Variants in PLCL1 observed in about 807,000 individuals in gnomAD.
PLCL1 encodes phospholipase C like 1 (inactive).
PLCL1 carries 41 observed loss-of-function variants against 84.4 expected under a neutral mutation model. That is an observed-to-expected ratio of 0.49 (90% CI 0.38 to 0.63). The LOEUF (loss-of-function observed/expected upper bound fraction) is 0.63, where lower values mean the gene tolerates loss of function less well. Among genes scored for constraint, PLCL1 ranks in the 30% least tolerant of loss-of-function variants. The pLI, the probability that PLCL1 is intolerant of heterozygous loss-of-function variation, is 0.00. For synonymous variants in PLCL1, 490 were observed against 488.3 expected (o/e 1.00, Z -0.05); for missense variants, 1,206 against 1,367.8 (o/e 0.88, Z 1.87).
At chr2:198,035,431 G>A (rs1282388303) in intron 1 of PLCL1, among the ~76,000 whole-genome samples, 1 of 152,136 alleles carries the variant, frequency 6.6e-6, no homozygotes, top group Admixed American at 6.5e-5. Flanking sequence ...TCCTTGCTGG[G>A]GCAGGAAAAG....
chr2:198,040,730 T>C (rs940797775), intron 1 of PLCL1, among the ~76,000 whole-genome samples: 4 of 152,178 alleles, frequency 2.6e-5, no homozygotes, highest in African/African-American at 9.7e-5. Context: ...CATTTTCTAA[T>C]TGGAGAAAAC....
rs368540941 is a variant in PLCL1, at chr2:197,925,733, A to ACTCC, written c.240+120414_240+120417dup. ...AACTTTTCTCCATGCACTCACTAAC[A>ACTCC]CTCCCTCCCTCCCTCCCTCCCTCAG... On this transcript the variant is annotated intron_variant, in intron 1 of 5. Coordinates refer to ENST00000428675, the MANE Select transcript of PLCL1 (RefSeq NM_006226.4). 5.8e-3 allele frequency among the ~76,000 whole-genome samples: 869 copies of ACTCC among 149,448 alleles called. 10 individuals carry two copies. The highest frequency in any genetic ancestry group is 0.02 in the African/African-American group (800 of 40,406).
At chr2:197,833,441 C>T (rs916803317) in intron 1 of PLCL1, among the ~76,000 whole-genome samples, 3 of 152,172 alleles carry the variant, frequency 2.0e-5, no homozygotes, top group African/African-American at 7.2e-5. Flanking sequence ...ATCTTCTCTG[C>T]CCAGGATCTC....
At chr2:198,133,276 A>T (rs941461244) in intron 5 of PLCL1, among the ~76,000 whole-genome samples, 26 of 151,162 alleles carry the variant, frequency 1.7e-4, no homozygotes, top group African/African-American at 5.8e-4. Context: ...TATCACAAGA[A>T]CAAAAAACCA....
chr2:197,885,530 T>A (rs1323742774), intron 1 of PLCL1, among the ~76,000 whole-genome samples: 5 of 152,186 alleles, frequency 3.3e-5, no homozygotes, highest in Non-Finnish European at 7.3e-5. Flanking sequence ...CTGATTCCAA[T>A]GCTAATCTCA....
chr2:197,826,996 G>A (rs1690943836), intron 1 of PLCL1, among the ~76,000 whole-genome samples: 1 of 152,018 alleles, frequency 6.6e-6, no homozygotes, highest in Non-Finnish European at 1.5e-5. Context: ...GTATCACCAT[G>A]TTTTCTTGGG....
chr2:197,899,181 A>G (rs1688215077), intron 1 of PLCL1, among the ~76,000 whole-genome samples: 1 of 152,220 alleles, frequency 6.6e-6, no homozygotes, highest in African/African-American at 2.4e-5. Flanking sequence ...AAATAAGAAT[A>G]ATGATGCTAG....
At chr2:198,102,871 C>A (rs1383728719) in intron 4 of PLCL1, among the ~76,000 whole-genome samples, 1 of 152,000 alleles carries the variant, frequency 6.6e-6, no homozygotes, top group Non-Finnish European at 1.5e-5. Flanking sequence ...ATGGAATGAG[C>A]TGTTCATAAG....
At chr2:198,069,366 A>G (rs1312542296) in intron 1 of PLCL1, among the ~76,000 whole-genome samples, 2 of 151,776 alleles carry the variant, frequency 1.3e-5, no homozygotes, top group Non-Finnish European at 2.9e-5. Context: ...ATGCATGCCT[A>G]TACTCTCAGC....
At chr2:198,032,851 G>A (rs561246615) in intron 1 of PLCL1, among the ~76,000 whole-genome samples, 2 of 152,246 alleles carry the variant, frequency 1.3e-5, no homozygotes, top group African/African-American at 4.8e-5. Flanking sequence ...TTAAATGCAT[G>A]TGTTTATTCC....
chr2:198,004,508 A>G (rs1690680830), intron 1 of PLCL1, among the ~76,000 whole-genome samples: 1 of 152,220 alleles, frequency 6.6e-6, no homozygotes, highest in Non-Finnish European at 1.5e-5. Context: ...ACTTATCTGT[A>G]GAATGTGTGT....
chr2:198,020,636 C>A (rs1349535827), intron 1 of PLCL1, among the ~76,000 whole-genome samples: 3 of 151,450 alleles, frequency 2.0e-5, no homozygotes, highest in African/African-American at 2.4e-5. Flanking sequence ...CAACAAAGAT[C>A]AAAAAAGAAA....
At chr2:198,143,056 T>G (rs942555657) in intron 5 of PLCL1, among the ~76,000 whole-genome samples, 1 of 152,086 alleles carries the variant, frequency 6.6e-6, no homozygotes, top group Admixed American at 6.6e-5. Flanking sequence ...AGACCTCTGT[T>G]TAGGGAGAAT....
intron 1 of PLCL1, among the ~76,000 whole-genome samples, chr2:197,816,201 C>A (rs1690684183): frequency 6.6e-6 from 1 of 152,024 alleles, no homozygotes; most frequent in South Asian, 2.1e-4. Context: ...TGATCAGTCA[C>A]CAGTGTTCAA....
intron 3 of PLCL1, among the ~76,000 whole-genome samples, chr2:198,092,833 A>G (rs936334387): frequency 2.6e-5 from 4 of 152,162 alleles, no homozygotes; most frequent in Non-Finnish European, 4.4e-5. Flanking sequence ...GTTAGATCCT[A>G]TCTGTATATT....
intron 1 of PLCL1, among the ~76,000 whole-genome samples, chr2:197,849,292 A>T (rs1241152496): frequency 6.6e-6 from 1 of 152,202 alleles, no homozygotes; most frequent in Non-Finnish European, 1.5e-5. Flanking sequence ...CATGCCTGTA[A>T]TCTCAGCACT....
At position 198,126,735 on chromosome 2, in the gene PLCL1, G is replaced by C. The variant is rs561044798; in HGVS notation, c.3106-20045G>C. 3.3e-5 allele frequency among the ~76,000 whole-genome samples: 5 copies of C among 152,150 alleles called. No homozygotes were observed. The South Asian group carries it at 1.0e-3, about 32-fold the overall frequency. On this transcript the variant is annotated intron_variant, in intron 5 of 5. Coordinates refer to ENST00000428675, the MANE Select transcript of PLCL1 (RefSeq NM_006226.4). Reference sequence around the variant, plus strand: ...GCCTGGGTAACCTGGTGAGACCCCAGCTCTACAAAAAATACAAAAATTAGC... The same window carrying C: ...GCCTGGGTAACCTGGTGAGACCCCACCTCTACAAAAAATACAAAAATTAGC...
rs1691062402 is a variant in PLCL1, at chr2:197,831,562, A to G, written c.240+26223A>G. On this transcript the variant is annotated intron_variant, in intron 1 of 5. Coordinates refer to ENST00000428675, the MANE Select transcript of PLCL1 (RefSeq NM_006226.4). ...ACACAGAGACTTAGACTCCCACACAATAATAGTAGGAGACTTTAACACCCC... is the reference window on the plus strand; with the variant it reads ...ACACAGAGACTTAGACTCCCACACAGTAATAGTAGGAGACTTTAACACCCC... Among the ~76,000 whole-genome samples the G allele has an allele frequency of 3.9e-5, 6 of 152,328 alleles. No homozygotes were observed. In the South Asian group the frequency reaches 1.2e-3, roughly 32 times the overall value.
Position 198,148,761 on chromosome 2 carries a change from T to C in PLCL1, c.*1799T>C, listed in dbSNP as rs1385639986. 1 of 152,338 alleles carries C rather than the reference T, an allele frequency of 6.6e-6. No homozygotes were observed. The highest frequency in any genetic ancestry group is 2.4e-5 in the African/African-American group (1 of 41,454). 9.4% of individuals were successfully genotyped at this position (152,338 alleles called of 1,614,324 possible). On this transcript the variant is annotated 3_prime_UTR_variant, in exon 6 of 6. Transcript: ENST00000428675. The stretch of plus-strand genomic sequence containing the variant: ...TGGTTGATTTTACTAGTGTACCTCT[T>C]CATCTACTTGAATTCTATTTGGTAA...
Sources: gnomAD v4.1 joint callset for allele counts (sites outside exome capture counted in the v4.1 genomes callset) on GRCh38, gnomAD v4.1.1 for gene constraint, MANE v1.5 for transcripts, NCBI Gene and HGNC (gene_info 2026-07-23, HGNC 2026-07-21) for gene names.